FBXL7: variants seen among roughly 807,000 people sequenced by gnomAD.
The protein encoded by FBXL7 is F-box/LRR-repeat protein 7.
Under a neutral mutation model 38.3 loss-of-function variants are expected in FBXL7, and 12 were observed. That is an observed-to-expected ratio of 0.31 (90% CI 0.20 to 0.51). FBXL7 has a LOEUF of 0.51. Among genes scored for constraint, FBXL7 ranks in the 20% least tolerant of loss-of-function variants. The pLI is 0.98. For missense variants in FBXL7, 567 were observed against 676.4 expected, an observed-to-expected ratio of 0.84 and a Z score of 1.79; for synonymous variants, 297 against 300.9, an observed-to-expected ratio of 0.99 and a Z score of 0.13.
intron 2 of FBXL7, among the ~76,000 whole-genome samples, chr5:15,885,546 C>G (rs1740641252): frequency 6.6e-6 from 1 of 152,176 alleles, no homozygotes; most frequent in South Asian, 2.1e-4. Flanking sequence ...CCTCTTTAAT[C>G]AGGACAAAAT....
chr5:15,936,904 C>G lies in FBXL7; in HGVS notation c.1194C>G (p.Ala398=), dbSNP rs761613540. Residue 398 remains alanine (A), a synonymous_variant, in exon 4 of 4, where the codon GCC becomes GCG. Coordinates refer to ENST00000504595, the MANE Select transcript of FBXL7 (RefSeq NM_012304.5). This position sits in a 1 kb window ranked among gnomAD's most constrained non-coding sequence, Gnocchi z 6.0. ...GITDHGVEYL[A]KNCTKLKSLD... ...CGGACCACGGTGTGGAGTACCTCGC[C>G]AAGAACTGCACCAAACTCAAATCCC... is the stretch of plus-strand genomic sequence containing the variant. 18 of 1,613,938 alleles carry G rather than the reference C, an allele frequency of 1.1e-5. No homozygotes were observed. Among genetic ancestry groups the G allele is most frequent in the Non-Finnish European group, 1.4e-5 (17 of 1,179,902 alleles).
chr5:15,833,383 C>CCA (rs1323980586), intron 2 of FBXL7, among the ~76,000 whole-genome samples: 2 of 152,132 alleles, frequency 1.3e-5, no homozygotes, highest in Non-Finnish European at 2.9e-5. Context: ...AACCTAATCA[C>CCA]TTTCCAAAGG....
In FBXL7 at chr5:15,718,897, T is replaced by C. The variant is rs545948723; in HGVS notation, c.127+102825T>C. 7.2e-5 allele frequency among the ~76,000 whole-genome samples: 11 copies of C among 152,326 alleles called. No homozygotes were observed. In the East Asian group the frequency reaches 2.1e-3, roughly 29 times the overall value. ...CAAAACCCCTTTTATTTGTGGCCTT[T>C]GCCCAAAGATAAGCCCAGACTTTTC... On this transcript the variant is annotated intron_variant, in intron 2 of 3. Transcript: ENST00000504595.
intron 2 of FBXL7, among the ~76,000 whole-genome samples, chr5:15,716,777 A>G (rs1744053132): frequency 6.6e-6 from 1 of 152,134 alleles, no homozygotes; most frequent in African/African-American, 2.4e-5. Flanking sequence ...TTGATTGTTG[A>G]TTTCATTATT....
chr5:15,784,017 A>G (rs1350125350), intron 2 of FBXL7, among the ~76,000 whole-genome samples: 8 of 152,154 alleles, frequency 5.3e-5, no homozygotes, highest in Admixed American at 5.2e-4. Context: ...TGGTGGCCCC[A>G]ATGAGTGAGC....
chr5:15,621,717 TAA>T (rs1014417281), intron 2 of FBXL7, among the ~76,000 whole-genome samples: 1 of 152,222 alleles, frequency 6.6e-6, no homozygotes, highest in African/African-American at 2.4e-5. Flanking sequence ...GATTGGCTGA[TAA>T]AGAGTCAGCT....
chr5:15,739,899 G>T (rs1735851156), intron 2 of FBXL7, among the ~76,000 whole-genome samples: 1 of 152,194 alleles, frequency 6.6e-6, no homozygotes, highest in Middle Eastern at 3.4e-3. Context: ...ACCTAGGAGT[G>T]GAATATACCT....
At chr5:15,748,202 C>T (rs1465613688) in intron 2 of FBXL7, among the ~76,000 whole-genome samples, 2 of 152,126 alleles carry the variant, frequency 1.3e-5, no homozygotes, top group South Asian at 2.1e-4. Flanking sequence ...TGTTTAACAT[C>T]CTGCAATGCA....
intron 2 of FBXL7, among the ~76,000 whole-genome samples, chr5:15,746,460 T>C (rs1736016331): frequency 6.6e-6 from 1 of 152,134 alleles, no homozygotes; most frequent in African/African-American, 2.4e-5. Flanking sequence ...AAGTCCAAGA[T>C]CAAGGCCCTG....
chr5:15,661,770 G>T (rs554947070), intron 2 of FBXL7, among the ~76,000 whole-genome samples: 1 of 152,322 alleles, frequency 6.6e-6, no homozygotes, highest in South Asian at 2.1e-4. Flanking sequence ...CTAGAAGTCA[G>T]AGCATACAGT....
intron 1 of FBXL7, among the ~76,000 whole-genome samples, chr5:15,509,942 T>C (rs1276713092): frequency 6.6e-6 from 1 of 152,204 alleles, no homozygotes; most frequent in African/African-American, 2.4e-5. Flanking sequence ...ACTTTTGACA[T>C]GAATAATCAC....
intron 3 of FBXL7, among the ~76,000 whole-genome samples, chr5:15,932,647 C>A (rs1354601861): frequency 6.6e-6 from 1 of 152,150 alleles, no homozygotes; most frequent in Non-Finnish European, 1.5e-5. Flanking sequence ...ATACCCTAAC[C>A]CTCCCATGGA....
chr5:15,811,581 T>G (rs1015769480), intron 2 of FBXL7, among the ~76,000 whole-genome samples: 4 of 152,020 alleles, frequency 2.6e-5, no homozygotes, highest in African/African-American at 9.7e-5. Flanking sequence ...CTTTAACATA[T>G]GATTTTGGGG....
At chr5:15,593,811 A>G (rs1739545639) in intron 1 of FBXL7, among the ~76,000 whole-genome samples, 1 of 152,166 alleles carries the variant, frequency 6.6e-6, no homozygotes, top group Admixed American at 6.5e-5. Context: ...TATGGATGGC[A>G]CTATATACTC....
chr5:15,759,469 A>G (rs1170615536), intron 2 of FBXL7, among the ~76,000 whole-genome samples: 1 of 152,178 alleles, frequency 6.6e-6, no homozygotes, highest in Non-Finnish European at 1.5e-5. Context: ...AACTTAGTCC[A>G]TGATGTTGAC....
At chr5:15,594,265 T>C (rs557842617) in intron 1 of FBXL7, among the ~76,000 whole-genome samples, 3 of 152,286 alleles carry the variant, frequency 2.0e-5, no homozygotes, top group Admixed American at 6.5e-5. Flanking sequence ...AGGCTTTTCA[T>C]TGAACGTGGA....
chr5:15,682,126 G>A (rs1320933261), intron 2 of FBXL7, among the ~76,000 whole-genome samples: 1 of 152,232 alleles, frequency 6.6e-6, no homozygotes, highest in Non-Finnish European at 1.5e-5. Flanking sequence ...GGACAGAAGA[G>A]AGGAGGGGAG....
At chr5:15,640,617 G>T (rs1198700476) in intron 2 of FBXL7, among the ~76,000 whole-genome samples, 1 of 151,440 alleles carries the variant, frequency 6.6e-6, no homozygotes, top group Admixed American at 6.6e-5. Flanking sequence ...TCCACCTCCT[G>T]TGTTCAAGTG....
intron 2 of FBXL7, among the ~76,000 whole-genome samples, chr5:15,857,021 C>A (rs973025940): frequency 1.3e-5 from 2 of 152,146 alleles, no homozygotes; most frequent in African/African-American, 4.8e-5. Context: ...AAAGTATGAA[C>A]CCATTACATT....
Sources: gnomAD v4.1 joint callset for allele counts (sites outside exome capture counted in the v4.1 genomes callset) on GRCh38, gnomAD v4.1.1 for gene constraint, Gnocchi (gnomAD v3.1) non-coding constraint, MANE v1.5 for transcripts, NCBI Gene and HGNC (gene_info 2026-07-23, HGNC 2026-07-21) for gene names.